CPM: variants seen among roughly 807,000 people sequenced by gnomAD.
CPM encodes the protein renal carboxypeptidase.
Under a neutral mutation model 46.4 loss-of-function variants are expected in CPM, and 35 were observed. That is an observed-to-expected ratio of 0.75 (90% CI 0.58 to 1.00). The LOEUF is 1.00. Ranked by LOEUF, CPM falls within the 50% of genes least tolerant of loss-of-function variation. CPM has a pLI of 0.00. For missense variants in CPM, 422 were observed against 530.4 expected (o/e 0.80, Z 2.01); for synonymous variants, 195 against 195.3 (o/e 1.00, Z 0.01).
At chr12:68,926,472 C>T (rs1888264902) in intron 2 of CPM, among the ~76,000 whole-genome samples, 1 of 152,190 alleles carries the variant, frequency 6.6e-6, no homozygotes, top group African/African-American at 2.4e-5. Flanking sequence ...GTGCCCAAAC[C>T]ATGGTCCTAA....
chr12:68,905,743 G>A (rs998871891), intron 2 of CPM, among the ~76,000 whole-genome samples: 2 of 152,132 alleles, frequency 1.3e-5, no homozygotes, highest in African/African-American at 4.8e-5. Context: ...GAAAGAGGCT[G>A]ATAAATCCAG....
chr12:68,858,827 T>G (rs1885086637), intron 8 of CPM, 96 bp downstream of exon 8: 4 of 738,542 alleles, frequency 5.4e-6, no homozygotes. Context: ...GGATCTACTT[T>G]TGAACTTCCT....
intron 8 of CPM, among the ~76,000 whole-genome samples, chr12:68,858,707 T>A (rs994567134): frequency 2.8e-4 from 42 of 149,928 alleles, no homozygotes; most frequent in African/African-American, 9.2e-4. Context: ...AAAATTGCCA[T>A]CAGGGAAAAA....
rs1302070651 is a variant in CPM, at chr12:68,851,739, T to C, written c.*4698A>G. On this transcript the variant is annotated 3_prime_UTR_variant, in exon 9 of 9. Coordinates refer to ENST00000551568, the MANE Select transcript of CPM (RefSeq NM_198320.5). ...TAAAATGGTGAGCAATACTGTACAGTATCTGCTTATTAGTTGATATAATGT... is the reference window on the plus strand; with the variant it reads ...TAAAATGGTGAGCAATACTGTACAGCATCTGCTTATTAGTTGATATAATGT... The C allele has an allele frequency of 6.6e-6, 1 of 152,196 alleles. No individual in the cohort carries two copies. The highest frequency in any genetic ancestry group is 1.5e-5 in the Non-Finnish European group (1 of 68,024). The allele number at this position is 152,196 out of a possible 1,614,324, so 9.4% of individuals were successfully genotyped here.
intron 2 of CPM, among the ~76,000 whole-genome samples, chr12:68,922,619 T>C (rs1888083358): frequency 6.8e-5 from 1 of 14,636 alleles, no homozygotes; most frequent in Non-Finnish European, 1.4e-4. Context: ...GTTGGCAGCA[T>C]TTTTTTTTTT....
intron 2 of CPM, among the ~76,000 whole-genome samples, chr12:68,920,669 A>C (rs1210754061): frequency 6.6e-6 from 1 of 150,836 alleles, no homozygotes; most frequent in South Asian, 2.1e-4. Context: ...TCTCTGCTTA[A>C]GCTTTTTTTT....
At chr12:68,923,404 C>T (rs1454684888) in intron 2 of CPM, among the ~76,000 whole-genome samples, 1 of 152,088 alleles carries the variant, frequency 6.6e-6, no homozygotes, top group Admixed American at 6.5e-5. Flanking sequence ...TACACACGTT[C>T]AGGGATTAAG....
chr12:68,920,336 C>T (rs947611672), intron 2 of CPM, among the ~76,000 whole-genome samples: 3 of 152,152 alleles, frequency 2.0e-5, no homozygotes, highest in South Asian at 2.1e-4. Context: ...GCTGTAGAAT[C>T]GCCACATGTT....
intron 3 of CPM, among the ~76,000 whole-genome samples, chr12:68,883,332 T>C (rs1017481948): frequency 1.3e-5 from 2 of 152,224 alleles, no homozygotes; most frequent in Non-Finnish European, 2.9e-5. Context: ...GAAGGACTTC[T>C]CTGCTCCAAT....
chr12:68,893,785 A>C (rs1886753767), intron 2 of CPM, among the ~76,000 whole-genome samples: 1 of 152,196 alleles, frequency 6.6e-6, no homozygotes, highest in East Asian at 1.9e-4. Context: ...GGGGTCTAAA[A>C]TGAGGCCACC....
intron 2 of CPM, among the ~76,000 whole-genome samples, chr12:68,895,476 T>C (rs1886834463): frequency 6.6e-6 from 1 of 152,240 alleles, no homozygotes; most frequent in South Asian, 2.1e-4. Flanking sequence ...TTTTCTGTTA[T>C]AAGCCATAGC....
chr12:68,932,291 A>G (rs1888542875), intron 2 of CPM, among the ~76,000 whole-genome samples: 1 of 152,254 alleles, frequency 6.6e-6, no homozygotes, highest in African/African-American at 2.4e-5. Flanking sequence ...AAATGACATT[A>G]ACAGTCCAAG....
At chr12:68,952,712 A>T (rs1014210081) in intron 1 of CPM, among the ~76,000 whole-genome samples, 2 of 152,174 alleles carry the variant, frequency 1.3e-5, no homozygotes, top group Non-Finnish European at 2.9e-5. Context: ...TAATCTTTTC[A>T]TGCCTCCCAC....
At chr12:68,955,645 C>T (rs1351546508) in intron 1 of CPM, among the ~76,000 whole-genome samples, 1 of 152,162 alleles carries the variant, frequency 6.6e-6, no homozygotes, top group Non-Finnish European at 1.5e-5. Flanking sequence ...AGGAGCTTCA[C>T]TGAGCAGCAG....
chr12:68,903,857 C>A (rs1887221086), intron 2 of CPM, among the ~76,000 whole-genome samples: 3 of 149,086 alleles, frequency 2.0e-5, no homozygotes, highest in Non-Finnish European at 4.5e-5. Context: ...TCCCTCCCTT[C>A]TTCCCTCCCT....
chr12:68,913,788 G>A (rs12427351), intron 2 of CPM: 26,179 of 579,046 alleles, frequency 0.045, 1,396 homozygotes, highest in African/African-American at 0.16. Context: ...CGGAAACCCA[G>A]TGTAAAAAGT....
At position 68,949,914 on chromosome 12, in the gene CPM, A is replaced by G. The variant is rs1056157348; in HGVS notation, c.-4+13255T>C. Among the ~76,000 whole-genome samples the G allele has an allele frequency of 2.0e-5, 3 of 152,242 alleles. No homozygotes were observed. In the East Asian group the frequency reaches 5.8e-4, roughly 29 times the overall value. The stretch of plus-strand genomic sequence containing the variant: ...GACAGCCTCTCATCTCCAGGTCAAG[A>G]CCTGGAAGAGTCTGCTTCCCTTTAA... On this transcript the variant is annotated intron_variant, in intron 1 of 8. Coordinates refer to the CPM transcript ENST00000546373.
At chr12:68,960,796 C>CA (rs1889098570) in intron 1 of CPM, among the ~76,000 whole-genome samples, 1 of 152,222 alleles carries the variant, frequency 6.6e-6, no homozygotes, top group Non-Finnish European at 1.5e-5. Context: ...GCTGACCCTG[C>CA]ACAAGCCCTC....
downstream of CPM, chr12:68,847,232 CCTG>C (rs1884381687): frequency 1.4e-5 from 1 of 72,334 alleles, no homozygotes; most frequent in Non-Finnish European, 2.9e-5. Flanking sequence ...GAGGCAGAGT[CCTG>C]CTATGTTGCC....
Sources: gnomAD v4.1 joint callset for allele counts (sites outside exome capture counted in the v4.1 genomes callset) on GRCh38, gnomAD v4.1.1 for gene constraint, MANE v1.5 for transcripts, NCBI Gene and HGNC (gene_info 2026-07-23, HGNC 2026-07-21) for gene names.